The following SLC25A31 variants were observed in gnomAD, a reference collection of about 807,000 sequenced individuals.
SLC25A31 encodes solute carrier family 25 member 31.
In SLC25A31, 40 loss-of-function variants were observed where a neutral mutation model predicts 36.2. That is an observed-to-expected ratio of 1.10 (90% CI 0.86 to 1.44). The LOEUF (loss-of-function observed/expected upper bound fraction) is 1.44, where lower values mean the gene tolerates loss of function less well. Among genes scored for constraint, SLC25A31 ranks in the 40% most tolerant of loss-of-function variants. The pLI is 0.00. For synonymous variants in SLC25A31, 143 were observed against 149.7 expected, an observed-to-expected ratio of 0.96 and a Z score of 0.32; for missense variants, 350 against 397.1, an observed-to-expected ratio of 0.88 and a Z score of 1.01.
chr4:127,762,934 A>AG (rs1732170757), intron 2 of SLC25A31, among the ~76,000 whole-genome samples: 1 of 151,976 alleles, frequency 6.6e-6, no homozygotes, highest in Non-Finnish European at 1.5e-5. Flanking sequence ...AAAAAAAAAA[A>AG]AAAGAAATTT....
chr4:127,760,179 C>T (rs1732100951), intron 2 of SLC25A31, among the ~76,000 whole-genome samples: 1 of 152,182 alleles, frequency 6.6e-6, no homozygotes, highest in South Asian at 2.1e-4. Context: ...ATGCTTAGTA[C>T]ACTGAGGATA....
chr4:127,751,071 A>T (rs933486796), intron 2 of SLC25A31, among the ~76,000 whole-genome samples: 6 of 152,280 alleles, frequency 3.9e-5, no homozygotes, highest in Middle Eastern at 3.4e-3. Flanking sequence ...GGAAAAAACT[A>T]CTTTAAAGTT....
At position 127,759,983 on chromosome 4, in the gene SLC25A31, G is replaced by T. The variant is rs139734658; in HGVS notation, c.361-4260G>T. Among the ~76,000 whole-genome samples, 396 of 152,286 alleles carry T rather than the reference G, an allele frequency of 2.6e-3. 1 individual carries two copies. Among genetic ancestry groups the T allele is most frequent in the Non-Finnish European group, 4.2e-3 (283 of 68,024 alleles). The stretch of plus-strand genomic sequence containing the variant: ...AGTGATGGAAAAAAGAATACTGTTT[G>T]CCAGGAGGGAGAGAAGTGGCTGTGA... On this transcript the variant is annotated intron_variant, in intron 2 of 5. Coordinates refer to ENST00000281154, the MANE Select transcript of SLC25A31 (RefSeq NM_031291.4).
At chr4:127,748,150 T>G (rs1731858207) in intron 2 of SLC25A31, among the ~76,000 whole-genome samples, 1 of 152,156 alleles carries the variant, frequency 6.6e-6, no homozygotes, top group Admixed American at 6.5e-5. Flanking sequence ...TCATACAGCT[T>G]AGTCCAAAAC....
chr4:127,751,185 A>G (rs970549250), intron 2 of SLC25A31, among the ~76,000 whole-genome samples: 2 of 152,212 alleles, frequency 1.3e-5, no homozygotes, highest in Non-Finnish European at 2.9e-5. Flanking sequence ...CTACAAGGCT[A>G]CAGTAACCAA....
intron 1 of SLC25A31, among the ~76,000 whole-genome samples, chr4:127,737,775 T>G (rs1483833869): frequency 1.3e-5 from 2 of 151,514 alleles, no homozygotes; most frequent in Admixed American, 6.6e-5. Context: ...CCCAGGCTGG[T>G]CTCAAACTTC....
At chr4:127,751,882 C>G (rs1439300758) in intron 2 of SLC25A31, among the ~76,000 whole-genome samples, 2 of 151,996 alleles carry the variant, frequency 1.3e-5, no homozygotes, top group East Asian at 3.9e-4. Flanking sequence ...CCATCTCACA[C>G]CAGTTAGAAT....
chr4:127,762,014 G>T (rs1241338434), intron 2 of SLC25A31, among the ~76,000 whole-genome samples: 1 of 152,140 alleles, frequency 6.6e-6, no homozygotes, highest in Non-Finnish European at 1.5e-5. Context: ...CAATAAAACT[G>T]ATGAGTGTTA....
chr4:127,762,909 G>T (rs534176783), intron 2 of SLC25A31, among the ~76,000 whole-genome samples: 54 of 150,954 alleles, frequency 3.6e-4, no homozygotes, highest in Non-Finnish European at 6.6e-4. Context: ...GGGCGACAGA[G>T]CGAGACTCTG....
intron 3 of SLC25A31, among the ~76,000 whole-genome samples, chr4:127,764,585 T>C (rs775708340): frequency 6.6e-6 from 1 of 152,136 alleles, no homozygotes; most frequent in Non-Finnish European, 1.5e-5. Flanking sequence ...AACATAAAAA[T>C]TGCTTATAAC....
intron 2 of SLC25A31, among the ~76,000 whole-genome samples, chr4:127,748,948 T>C (rs1731872073): frequency 6.6e-6 from 1 of 151,972 alleles, no homozygotes; most frequent in African/African-American, 2.4e-5. Context: ...GATATACAAA[T>C]TGCCTATGAA....
intron 2 of SLC25A31, among the ~76,000 whole-genome samples, chr4:127,761,435 T>A (rs977141360): frequency 6.6e-6 from 1 of 152,234 alleles, no homozygotes; most frequent in African/African-American, 2.4e-5. Flanking sequence ...AGGAAAAAGA[T>A]GATTTATTGT....
At chr4:127,750,702 T>C (rs191672940) in intron 2 of SLC25A31, among the ~76,000 whole-genome samples, 24 of 152,186 alleles carry the variant, frequency 1.6e-4, no homozygotes, top group Admixed American at 1.4e-3. Flanking sequence ...ATTGTAATTA[T>C]AAAGTGTTTT....
chr4:127,756,678 C>G (rs189061700), intron 2 of SLC25A31, among the ~76,000 whole-genome samples: 1 of 152,184 alleles, frequency 6.6e-6, no homozygotes, highest in East Asian at 1.9e-4. Context: ...ACATTGTACC[C>G]CATAAATATA....
At chr4:127,750,759 CAAAAA>C (rs75329434) in intron 2 of SLC25A31, among the ~76,000 whole-genome samples, 3 of 143,880 alleles carry the variant, frequency 2.1e-5, no homozygotes, top group Non-Finnish European at 4.6e-5. Context: ...CTAGTAAATA[CAAAAA>C]AAAAGAGAAA....
chr4:127,749,095 A>G (rs1731875189), intron 2 of SLC25A31, among the ~76,000 whole-genome samples: 3 of 152,058 alleles, frequency 2.0e-5, no homozygotes, highest in African/African-American at 7.2e-5. Context: ...AAAACAGAAC[A>G]AAACGGAAAT....
At chr4:127,731,770 A>AT (rs1731531451) in intron 1 of SLC25A31, among the ~76,000 whole-genome samples, 3 of 151,550 alleles carry the variant, frequency 2.0e-5, no homozygotes, top group Admixed American at 1.3e-4. Flanking sequence ...CTTTCTCTTT[A>AT]TTTTTTCTAT....
chr4:127,763,036 A>G (rs574996359), intron 2 of SLC25A31, among the ~76,000 whole-genome samples: 9 of 152,274 alleles, frequency 5.9e-5, no homozygotes, highest in South Asian at 4.1e-4. Context: ...GAGTCTGTGC[A>G]GTGAGTCGAG....
chr4:127,757,378 C>T (rs977155279), intron 2 of SLC25A31, among the ~76,000 whole-genome samples: 2 of 152,158 alleles, frequency 1.3e-5, no homozygotes, highest in Admixed American at 1.3e-4. Flanking sequence ...TAAGTGAGAA[C>T]ATGAAGTATT....
Sources: allele counts gnomAD v4.1 joint callset (sites outside exome capture counted in the v4.1 genomes callset), GRCh38; gene constraint gnomAD v4.1.1; transcripts MANE v1.5; gene names NCBI Gene and HGNC (gene_info 2026-07-23, HGNC 2026-07-21).